PLCB1: variants seen among roughly 807,000 people sequenced by gnomAD.
PLCB1 encodes phospholipase C beta 1, also known as 1-phosphatidylinositol 4,5-bisphosphate phosphodiesterase beta-1.
In PLCB1, 46 loss-of-function variants were observed where a neutral mutation model predicts 161.8. The ratio of observed to expected loss-of-function variants is 0.28; its 90% CI spans 0.22 to 0.36. PLCB1 has a LOEUF of 0.36. Among genes scored for constraint, PLCB1 ranks in the 10% least tolerant of loss-of-function variants. PLCB1 has a pLI of 1.00. For synonymous variants in PLCB1, 517 were observed against 503.7 expected, an observed-to-expected ratio of 1.03 and a Z score of -0.35; for missense variants, 1,016 against 1,472.5, an observed-to-expected ratio of 0.69 and a Z score of 5.07.
intron 2 of PLCB1, among the ~76,000 whole-genome samples, chr20:8,173,049 G>A (rs1253048550): frequency 6.6e-6 from 1 of 152,164 alleles, no homozygotes; most frequent in African/African-American, 2.4e-5. Context: ...ACATGGGCAG[G>A]GTAAATGCTC....
intron 31 of PLCB1, among the ~76,000 whole-genome samples, chr20:8,806,686 G>C (rs1319732407): frequency 2.0e-5 from 3 of 152,006 alleles, no homozygotes; most frequent in Admixed American, 6.6e-5. Flanking sequence ...GTACACGTTG[G>C]GCTTTGCAAC....
At position 8,844,054 on chromosome 20, in the gene PLCB1, A is replaced by G. The variant is rs1448113922; in HGVS notation, c.3424-37568A>G. Among the ~76,000 whole-genome samples, 4 of 152,256 alleles carry G rather than the reference A, an allele frequency of 2.6e-5. No individual in the cohort carries two copies. The East Asian group carries it at 7.7e-4, about 29-fold the overall frequency. Reference sequence around the variant, plus strand: ...GGCTTGCCACTTTCATTAACATGCCATACACTTAAGGCAAAACTCACTGTT... The same window carrying G: ...GGCTTGCCACTTTCATTAACATGCCGTACACTTAAGGCAAAACTCACTGTT... On this transcript the variant is annotated intron_variant, in intron 31 of 31. Transcript: ENST00000338037.
chr20:8,198,815 A>G (rs538610044), intron 2 of PLCB1, among the ~76,000 whole-genome samples: 60 of 152,194 alleles, frequency 3.9e-4, no homozygotes, highest in Admixed American at 4.6e-4. Context: ...TACAATTACA[A>G]ATTACATGAA....
intron 2 of PLCB1, among the ~76,000 whole-genome samples, chr20:8,340,735 T>C (rs1568638477): frequency 6.6e-6 from 1 of 152,132 alleles, no homozygotes; most frequent in Non-Finnish European, 1.5e-5. Flanking sequence ...AATTCTAGTT[T>C]TAACACATAG....
chr20:8,789,832 T>C (rs57894522), intron 30 of PLCB1, among the ~76,000 whole-genome samples: 5 of 152,324 alleles, frequency 3.3e-5, no homozygotes, highest in African/African-American at 9.6e-5. Context: ...ATATTGTAAA[T>C]GATAGTGTTC....
At chr20:8,157,646 C>T (rs2051575542) in intron 2 of PLCB1, among the ~76,000 whole-genome samples, 2 of 152,140 alleles carry the variant, frequency 1.3e-5, no homozygotes, top group African/African-American at 2.4e-5. Flanking sequence ...CTTATGTAGA[C>T]ACAACATACA....
intron 2 of PLCB1, among the ~76,000 whole-genome samples, chr20:8,337,336 C>G (rs1357768536): frequency 1.3e-5 from 2 of 152,142 alleles, no homozygotes; most frequent in South Asian, 2.1e-4. Context: ...GTCTAGCTTC[C>G]AAGTTGAGGA....
At chr20:8,854,266 A>T (rs1201136515) in intron 31 of PLCB1, among the ~76,000 whole-genome samples, 1 of 151,024 alleles carries the variant, frequency 6.6e-6, no homozygotes, top group Non-Finnish European at 1.5e-5. Flanking sequence ...CTCAGAGGGC[A>T]TTTTTTTTTA....
chr20:8,310,136 C>T (rs1984330259), intron 2 of PLCB1, among the ~76,000 whole-genome samples: 1 of 151,796 alleles, frequency 6.6e-6, no homozygotes, highest in Admixed American at 6.6e-5. Flanking sequence ...AGTTTACCTT[C>T]AGAGCTTTTG....
chr20:8,221,176 A>G (rs1979388100), intron 2 of PLCB1, among the ~76,000 whole-genome samples: 1 of 152,172 alleles, frequency 6.6e-6, no homozygotes, highest in Admixed American at 6.5e-5. Context: ...ACTTGAGGCA[A>G]CCATAGTTCA....
intron 3 of PLCB1, among the ~76,000 whole-genome samples, chr20:8,515,559 G>C (rs1189445976): frequency 6.6e-6 from 1 of 152,150 alleles, no homozygotes; most frequent in East Asian, 1.9e-4. Flanking sequence ...TCAGAGAGCA[G>C]CTAATTAGAA....
chr20:8,145,570 T>A (rs2051445315), intron 1 of PLCB1, among the ~76,000 whole-genome samples: 1 of 152,174 alleles, frequency 6.6e-6, no homozygotes, highest in African/African-American at 2.4e-5. Flanking sequence ...ACTATTTAAA[T>A]GTTAAAAATT....
intron 2 of PLCB1, among the ~76,000 whole-genome samples, chr20:8,271,291 G>A (rs1387070840): frequency 6.6e-6 from 1 of 152,014 alleles, no homozygotes; most frequent in African/African-American, 2.4e-5. Context: ...TTTGTAATAT[G>A]AGAATTTAAG....
At chr20:8,855,223 C>A (rs1011397882) in intron 31 of PLCB1, among the ~76,000 whole-genome samples, 7 of 151,640 alleles carry the variant, frequency 4.6e-5, no homozygotes, top group East Asian at 1.9e-4. Context: ...CTTCCCCCCC[C>A]ACTCACTCCC....
At chr20:8,578,462 G>A (rs943224255) in intron 3 of PLCB1, among the ~76,000 whole-genome samples, 13 of 152,212 alleles carry the variant, frequency 8.5e-5, no homozygotes, top group African/African-American at 3.1e-4. Context: ...TAAAGGATGA[G>A]TGTTGAGTGA....
intron 3 of PLCB1, among the ~76,000 whole-genome samples, chr20:8,573,409 G>A (rs1986585082): frequency 1.3e-5 from 2 of 152,152 alleles, no homozygotes; most frequent in African/African-American, 4.8e-5. Context: ...CCGAAGGATG[G>A]GGTATCAAGG....
intron 3 of PLCB1, among the ~76,000 whole-genome samples, chr20:8,521,119 C>G (rs969246325): frequency 1.3e-5 from 2 of 152,110 alleles, no homozygotes; most frequent in Admixed American, 6.6e-5. Context: ...TTATTCTTAT[C>G]CATTTATTGA....
intron 2 of PLCB1, among the ~76,000 whole-genome samples, chr20:8,202,202 G>A (rs2052099761): frequency 7.0e-6 from 1 of 143,628 alleles, no homozygotes; most frequent in African/African-American, 2.6e-5. Flanking sequence ...TCAGCCTTGT[G>A]TGGTAGCTGG....
intron 3 of PLCB1, among the ~76,000 whole-genome samples, chr20:8,392,850 A>G (rs192927944): frequency 6.6e-6 from 1 of 152,340 alleles, no homozygotes; most frequent in East Asian, 1.9e-4. Context: ...GATGTGATAC[A>G]TGACCCATAG....
Sources: gnomAD v4.1 joint callset for allele counts (sites outside exome capture counted in the v4.1 genomes callset) on GRCh38, gnomAD v4.1.1 for gene constraint, MANE v1.5 for transcripts, NCBI Gene and HGNC (gene_info 2026-07-23, HGNC 2026-07-21) for gene names.